The following VASH2 variants were observed in gnomAD, a reference collection of about 807,000 sequenced individuals.
VASH2 encodes vasohibin 2.
In VASH2, 28 loss-of-function variants were observed where a neutral mutation model predicts 37.2. That is an observed-to-expected ratio of 0.75 (90% CI 0.56 to 1.03). The LOEUF (loss-of-function observed/expected upper bound fraction) is 1.03. Ranked by LOEUF, VASH2 falls within the 50% of genes least tolerant of loss-of-function variation. The probability of loss-of-function intolerance (pLI) is 0.00; values close to 1 mark genes in which losing one functional copy is unlikely to be tolerated. For missense variants in VASH2, 419 were observed against 459.1 expected, an observed-to-expected ratio of 0.91 and a Z score of 0.80; for synonymous variants, 188 against 174.7, an observed-to-expected ratio of 1.08 and a Z score of -0.60.
chr1:212,966,350 C>T lies in VASH2; in HGVS notation c.497+5C>T. On this transcript the variant is annotated splice_donor_5th_base_variant and intron_variant, in intron 5 of 7. Coordinates refer to ENST00000517399, the MANE Select transcript of VASH2 (RefSeq NM_001301056.2). ...TGAAGCTGTCATCCTGGGCATGTAT[C>T]CTTTAAGTTATGTATGCTTAGTTTA... The T allele has an allele frequency of 6.4e-7, 1 of 1,551,330 alleles. No homozygotes were observed. Among genetic ancestry groups the T allele is most frequent in the Non-Finnish European group, 8.7e-7 (1 of 1,146,690 alleles).
chr1:212,982,713 A>G (rs1329620491), intron 7 of VASH2, among the ~76,000 whole-genome samples: 1 of 152,218 alleles, frequency 6.6e-6, no homozygotes, highest in African/African-American at 2.4e-5. Flanking sequence ...GTAAAAGAAA[A>G]GGATTTCATC....
rs1572073005 is a variant in VASH2, at chr1:212,972,932, G to C, written c.850G>C (p.Glu284Gln). Residue 284 changes from glutamate (E) to glutamine (Q), a missense_variant, in exon 6 of 8, where the codon GAG (glutamate) becomes CAG (glutamine). Around this residue, in one of 3 missense-constraint regions of VASH2, gnomAD observed 177 missense variants for 166.2 expected, o/e 1.06. Coordinates refer to ENST00000517399, the MANE Select transcript of VASH2 (RefSeq NM_001301056.2). ...GAGGGCTGACATAAGGAAGGAGCTGGAGAAATATGCCAGGGACATGAGAAT... is the reference window on the plus strand; with the variant it reads ...GAGGGCTGACATAAGGAAGGAGCTGCAGAAATATGCCAGGGACATGAGAAT... ...MLRADIRKEL[E>Q]KYARDMRMKI... The C allele has an allele frequency of 6.2e-7, 1 of 1,613,370 alleles. No individual in the cohort carries two copies. The highest frequency in any genetic ancestry group is 1.1e-5 in the South Asian group (1 of 91,064).
chr1:212,959,266 C>CTG (rs140070220), intron 2 of VASH2, among the ~76,000 whole-genome samples: 59,675 of 151,036 alleles, frequency 0.4, 12,963 homozygotes, highest in Middle Eastern at 0.53. Context: ...TTGACTTGCT[C>CTG]TGTGTGTGTG....
rs568499335 is a variant in VASH2, at chr1:212,972,881, C to T, written c.799C>T (p.Leu267=). ...HSFQPIEWKQ[L]VLNVSKMLRA... ...CTTCCAGCCCATTGAGTGGAAGCAG[C>T]TGGTCCTCAACGTCTCAAAGATGCT... The change falls in exon 6 of 8, where the codon CTG becomes TTG. Residue 267 remains leucine (L), a synonymous_variant. Coordinates refer to ENST00000517399, the MANE Select transcript of VASH2 (RefSeq NM_001301056.2). The T allele has an allele frequency of 1.9e-6, 3 of 1,614,168 alleles. No homozygotes were observed. Among genetic ancestry groups the T allele is most frequent in the Admixed American group, 1.7e-5 (1 of 60,014 alleles).
chr1:212,959,360 G>A (rs1026526854), intron 2 of VASH2, among the ~76,000 whole-genome samples: 1 of 152,180 alleles, frequency 6.6e-6, no homozygotes, highest in Non-Finnish European at 1.5e-5. Context: ...CAATGTGATT[G>A]ATTTGGGTTG....
At chr1:212,983,053 A>G (rs1168652636) in intron 7 of VASH2, among the ~76,000 whole-genome samples, 2 of 152,230 alleles carry the variant, frequency 1.3e-5, no homozygotes, top group South Asian at 2.1e-4. Flanking sequence ...AAAATATCCC[A>G]TGATAAAGGT....
chr1:212,955,047 T>C (rs1258369693), intron 2 of VASH2, among the ~76,000 whole-genome samples: 2 of 152,190 alleles, frequency 1.3e-5, no homozygotes, highest in Non-Finnish European at 2.9e-5. Context: ...GTGCTCAGCA[T>C]GGCAGACTCT....
rs1274378097 is a variant in VASH2, at chr1:212,968,160, T to C, written c.497+1815T>C. On this transcript the variant is annotated intron_variant, in intron 5 of 7. Transcript: ENST00000517399. ...TTGTGGGATGTCGGAATGAGGTATT[T>C]GCAATGTGGAGCTCACAGGGGAATC... 5.1e-6 allele frequency: 5 copies of C among 973,072 alleles called. No individual in the cohort carries two copies. The East Asian group carries it at 5.7e-4, about 111-fold the overall frequency. 60.3% of individuals were successfully genotyped at this position (973,072 alleles called of 1,614,324 possible).
At chr1:212,987,365 C>T (rs1188646023) in intron 7 of VASH2, among the ~76,000 whole-genome samples, 1 of 151,592 alleles carries the variant, frequency 6.6e-6, no homozygotes, top group African/African-American at 2.4e-5. Flanking sequence ...CACCTGAGGT[C>T]AGGAGTTCGA....
rs75089146 is a variant in VASH2, at chr1:212,968,110, T to C, written c.497+1765T>C. 1.0e-4 allele frequency: 72 copies of C among 697,048 alleles called. No homozygotes were observed. In the African/African-American group the frequency reaches 1.3e-3, roughly 13 times the overall value. 43.2% of individuals were successfully genotyped at this position (697,048 alleles called of 1,614,324 possible). A position where few individuals can be genotyped will look rare whatever the true frequency, so the allele number is the denominator to read the frequency against. ...GATTTAGGGAAAGATGAGCTCAGAT[T>C]TGGACATGTGAAATTTGAGGTGCCT... On this transcript the variant is annotated intron_variant, in intron 5 of 7. Transcript: ENST00000517399.
At chr1:212,960,519 T>C (rs1156947263) in intron 2 of VASH2, among the ~76,000 whole-genome samples, 1 of 152,224 alleles carries the variant, frequency 6.6e-6, no homozygotes, top group Admixed American at 6.5e-5. Context: ...CGTAGTGCCA[T>C]GTTGCAATTC....
At position 212,971,765 on chromosome 1, in the gene VASH2, C is replaced by T. The variant is rs534551280; in HGVS notation, c.498-815C>T. Among the ~76,000 whole-genome samples the T allele has an allele frequency of 1.4e-4, 21 of 152,226 alleles. 1 individual carries two copies. The South Asian group carries it at 3.6e-3, about 26-fold the overall frequency. On this transcript the variant is annotated intron_variant, in intron 5 of 7. Coordinates refer to ENST00000517399, the MANE Select transcript of VASH2 (RefSeq NM_001301056.2). The surrounding 1 kb of genome is among the most constrained non-coding windows in gnomAD (Gnocchi z 4.0). The stretch of plus-strand genomic sequence containing the variant: ...GGATGGATTCTGTCAGCATCCTTCT[C>T]TTCAGGGCACTTGGATTAGCTCTGG...
At chr1:212,967,510 C>A in intron 5 of VASH2, 1 of 1,070,504 alleles carries the variant, frequency 9.3e-7, no homozygotes, top group South Asian at 2.3e-5. Flanking sequence ...GGTCCTTGAG[C>A]GCTGTGCTGA....
chr1:212,974,756 T>C (rs1329754214), intron 7 of VASH2: 3 of 152,220 alleles, frequency 2.0e-5, no homozygotes, highest in Admixed American at 2.0e-4. Flanking sequence ...CTTTTCTTAA[T>C]AATAGCAGCA....
chr1:212,977,114 T>C (rs1357316292), intron 7 of VASH2, among the ~76,000 whole-genome samples: 1 of 151,924 alleles, frequency 6.6e-6, no homozygotes, highest in Non-Finnish European at 1.5e-5. Flanking sequence ...GAGGCAGTGT[T>C]GAGAGGGCTG....
chr1:212,985,394 C>A (rs917865258), intron 7 of VASH2, among the ~76,000 whole-genome samples: 1 of 150,332 alleles, frequency 6.7e-6, no homozygotes, highest in South Asian at 2.1e-4. Context: ...GGGCTTCCTG[C>A]TGCGCTGCCA....
Position 212,951,509 on chromosome 1 carries a change from C to T in VASH2, c.-34C>T, listed in dbSNP as rs1456720716. On this transcript the variant is annotated 5_prime_UTR_variant, in exon 2 of 8. Transcript: ENST00000517399. This position sits in a 1 kb window ranked among gnomAD's most constrained non-coding sequence, Gnocchi z 4.4. ...CCGCCGCCGCTGCCGCCGCCGCGCGCCCCCAGTACCTCGCTCCCCGCCCAG... is the reference window on the plus strand; with the variant it reads ...CCGCCGCCGCTGCCGCCGCCGCGCGTCCCCAGTACCTCGCTCCCCGCCCAG... 1 of 1,237,900 alleles carries T rather than the reference C, an allele frequency of 8.1e-7. No homozygotes were observed. Among genetic ancestry groups the T allele is most frequent in the Non-Finnish European group, 1.0e-6 (1 of 990,694 alleles). 76.7% of individuals were successfully genotyped at this position (1,237,900 alleles called of 1,614,324 possible).
At chr1:212,967,459 A>G (rs1666885783) in intron 5 of VASH2, 10 of 1,167,580 alleles carry the variant, frequency 8.6e-6, no homozygotes, top group Non-Finnish European at 1.1e-5. Context: ...GAAACACTGC[A>G]AGACAGGAGC....
rs1037873126 is a variant in VASH2, at chr1:212,971,613, C to T, written c.498-967C>T. Among the ~76,000 whole-genome samples the T allele has an allele frequency of 2.0e-5, 3 of 152,170 alleles. No homozygotes were observed. Among genetic ancestry groups the T allele is most frequent in the Non-Finnish European group, 4.4e-5 (3 of 68,028 alleles). On this transcript the variant is annotated intron_variant, in intron 5 of 7. Transcript: ENST00000517399. The surrounding 1 kb of genome is among the most constrained non-coding windows in gnomAD (Gnocchi z 4.0). ...GACTCAGAAGGATGTGATTTCACTC[C>T]CTAACTGCCAGGTGATCTCACATGA... is the stretch of plus-strand genomic sequence containing the variant.
Sources: allele counts gnomAD v4.1 joint callset (sites outside exome capture counted in the v4.1 genomes callset), GRCh38; gene constraint gnomAD v4.1.1; regional missense constraint gnomAD v4.1.1; non-coding constraint Gnocchi (gnomAD v3.1); transcripts MANE v1.5; gene names NCBI Gene and HGNC (gene_info 2026-07-23, HGNC 2026-07-21).